Variants in TJP1 observed in about 807,000 individuals in gnomAD.
TJP1 encodes the protein tight junction protein 1.
Under a neutral mutation model 194.2 loss-of-function variants are expected in TJP1, and 43 were observed. That is an observed-to-expected ratio of 0.22 (90% CI 0.17 to 0.29). TJP1 has a LOEUF of 0.29. Ranked by LOEUF, TJP1 falls within the 10% of genes least tolerant of loss-of-function variation. The pLI is 1.00. For missense variants in TJP1, 1,971 were observed against 2,185.7 expected, an observed-to-expected ratio of 0.90 and a Z score of 1.96; for synonymous variants, 801 against 779.0, an observed-to-expected ratio of 1.03 and a Z score of -0.47.
chr15:29,950,336 GCC>G (rs1567228742), intron 2 of TJP1, among the ~76,000 whole-genome samples: 27 of 121,808 alleles, frequency 2.2e-4, no homozygotes, highest in African/African-American at 8.1e-4. Flanking sequence ...CACTTCCTGT[GCC>G]ACCACCACCA....
intron 2 of TJP1, among the ~76,000 whole-genome samples, chr15:29,925,994 T>TG (rs2054512824): frequency 6.6e-6 from 1 of 152,194 alleles, no homozygotes; most frequent in Non-Finnish European, 1.5e-5. Flanking sequence ...CAGCACCTCC[T>TG]GGTGGCCAGC....
At chr15:29,833,876 TA>T (rs1304269425) in intron 2 of TJP1, among the ~76,000 whole-genome samples, 105 of 26,026 alleles carry the variant, frequency 4.0e-3, no homozygotes, top group South Asian at 0.011. Context: ...TATATATATA[TA>T]TATATTTTTT....
chr15:29,824,107 A>AAAAAAAG (rs2050595526), upstream of TJP1: 1 of 138,098 alleles, frequency 7.2e-6, no homozygotes, highest in African/African-American at 2.9e-5. Flanking sequence ...AAAAAAAAAA[A>AAAAAAAG]AAAAAAAAAA....
chr15:29,965,587 C>T (rs1199637498), intron 1 of TJP1, among the ~76,000 whole-genome samples: 1 of 152,106 alleles, frequency 6.6e-6, no homozygotes, highest in Non-Finnish European at 1.5e-5. Flanking sequence ...TATTGGTTTC[C>T]ACCCACCACT....
chr15:29,816,359 C>T (rs958263125), intron 1 of TJP1, among the ~76,000 whole-genome samples: 9 of 151,976 alleles, frequency 5.9e-5, no homozygotes, highest in African/African-American at 2.2e-4. Context: ...TAATTTGTGC[C>T]AATATATAAC....
chr15:29,702,849 T>C (rs558859100), intron 27 of TJP1, among the ~76,000 whole-genome samples: 141 of 152,304 alleles, frequency 9.3e-4, no homozygotes, highest in Non-Finnish European at 1.7e-3. Context: ...TTTCATACTG[T>C]ACCAAACTAA....
chr15:29,802,662 G>T (rs1567058809), intron 1 of TJP1, among the ~76,000 whole-genome samples: 1 of 151,302 alleles, frequency 6.6e-6, no homozygotes, highest in Non-Finnish European at 1.5e-5. Context: ...GAGTAAATCA[G>T]CTAAACATCA....
At chr15:29,935,938 A>G (rs527638555) in intron 2 of TJP1, among the ~76,000 whole-genome samples, 6 of 152,088 alleles carry the variant, frequency 3.9e-5, no homozygotes, top group Admixed American at 3.3e-4. Flanking sequence ...AGTCCTCAAC[A>G]TGTTCCTAGC....
At chr15:29,718,189 T>G in intron 21 of TJP1, 71 bp from the exon 22 acceptor site, 1 of 1,586,786 alleles carries the variant, frequency 6.3e-7, no homozygotes, top group South Asian at 1.2e-5. Context: ...ATAGATATCA[T>G]GTAATGGCGG....
chr15:29,771,911 A>C (rs1448270119), intron 4 of TJP1, among the ~76,000 whole-genome samples, 153 bp downstream of exon 4: 1 of 152,224 alleles, frequency 6.6e-6, no homozygotes, highest in Admixed American at 6.5e-5. Context: ...GACATACCAC[A>C]CCAGTGTTAG....
chr15:29,880,258 T>C lies in TJP1; in HGVS notation c.306+75974A>G, dbSNP rs969128833. Among the ~76,000 whole-genome samples the C allele has an allele frequency of 3.3e-5, 5 of 152,210 alleles. No individual in the cohort carries two copies. In the East Asian group the frequency reaches 9.6e-4, roughly 29 times the overall value. On this transcript the variant is annotated intron_variant, in intron 2 of 28. Transcript: ENST00000356107. Reference sequence around the variant, plus strand: ...CTTGTCCTTGTTCTGGTGTGTCCTTTGTTTAGTTTATTAAAATTTAAACAG... The same window carrying C: ...CTTGTCCTTGTTCTGGTGTGTCCTTCGTTTAGTTTATTAAAATTTAAACAG...
At chr15:29,800,294 T>C (rs1344160802) in intron 2 of TJP1, among the ~76,000 whole-genome samples, 3 of 152,232 alleles carry the variant, frequency 2.0e-5, no homozygotes, top group Non-Finnish European at 4.4e-5. Context: ...CCTGGTTTAA[T>C]TTCAAACTTC....
At chr15:29,773,544 C>G (rs1467846111) in intron 2 of TJP1, among the ~76,000 whole-genome samples, 187 bp from the exon 3 acceptor site, 1 of 152,318 alleles carries the variant, frequency 6.6e-6, no homozygotes, top group East Asian at 1.9e-4. Flanking sequence ...CTAATAACTA[C>G]TGGACATAAC....
At chr15:29,940,766 T>C (rs533892861) in intron 2 of TJP1, among the ~76,000 whole-genome samples, 2 of 152,318 alleles carry the variant, frequency 1.3e-5, no homozygotes, top group East Asian at 3.9e-4. Context: ...AATCGACTCA[T>C]TCAACACACA....
intron 2 of TJP1, among the ~76,000 whole-genome samples, chr15:29,872,687 T>C (rs2052567905): frequency 6.6e-6 from 1 of 152,222 alleles, no homozygotes; most frequent in South Asian, 2.1e-4. Flanking sequence ...TAGAAGCATC[T>C]ACTGCATTCA....
intron 2 of TJP1, among the ~76,000 whole-genome samples, chr15:29,931,010 C>A (rs574869023): frequency 2.8e-4 from 42 of 152,206 alleles, no homozygotes; most frequent in Non-Finnish European, 5.1e-4. Flanking sequence ...ACTCCTGACT[C>A]CCCCCAGAAC....
chr15:29,814,588 C>A (rs557832527), intron 1 of TJP1, among the ~76,000 whole-genome samples: 15 of 152,108 alleles, frequency 9.9e-5, no homozygotes, highest in Non-Finnish European at 1.9e-4. Context: ...CCTAAGATAA[C>A]CAAGAAGAAA....
At chr15:29,814,655 G>A (rs1482700921) in intron 1 of TJP1, among the ~76,000 whole-genome samples, 4 of 151,806 alleles carry the variant, frequency 2.6e-5, no homozygotes, top group African/African-American at 9.7e-5. Context: ...AAAATATTTC[G>A]GTAAGTCAAA....
intron 23 of TJP1, among the ~76,000 whole-genome samples, chr15:29,713,264 T>C (rs1307930618): frequency 2.0e-5 from 3 of 152,190 alleles, no homozygotes; most frequent in Non-Finnish European, 4.4e-5. Context: ...GACTGAGACA[T>C]GTGCACAGCC....
Sources: gnomAD v4.1 joint callset for allele counts (sites outside exome capture counted in the v4.1 genomes callset) on GRCh38, gnomAD v4.1.1 for gene constraint, MANE v1.5 for transcripts, NCBI Gene and HGNC (gene_info 2026-07-23, HGNC 2026-07-21) for gene names.